The following CDCA7L variants were observed in gnomAD, a reference collection of about 807,000 sequenced individuals.
CDCA7L encodes the protein cell division cycle-associated 7-like protein.
In CDCA7L, 44 loss-of-function variants were observed where a neutral mutation model predicts 57.4. The ratio of observed to expected loss-of-function variants is 0.77; its 90% CI spans 0.60 to 0.98. The LOEUF (loss-of-function observed/expected upper bound fraction) is 0.98. Among genes scored for constraint, CDCA7L ranks in the 50% least tolerant of loss-of-function variants. The pLI is 0.00. For missense variants in CDCA7L, 644 were observed against 580.6 expected (o/e 1.11, Z -1.12); for synonymous variants, 236 against 202.8 (o/e 1.16, Z -1.39).
chr7:21,912,279 G>A (rs1314501807), intron 2 of CDCA7L, among the ~76,000 whole-genome samples: 1 of 152,126 alleles, frequency 6.6e-6, no homozygotes, highest in African/African-American at 2.4e-5. Context: ...GGGTGACAGA[G>A]TGAGACCCTC....
chr7:21,933,061 C>T (rs997034507), intron 1 of CDCA7L, among the ~76,000 whole-genome samples: 3 of 152,064 alleles, frequency 2.0e-5, no homozygotes, highest in African/African-American at 7.2e-5. Flanking sequence ...AGCTCATCAT[C>T]ACTGGTCATT....
chr7:21,924,512 T>A (rs1193803761), intron 1 of CDCA7L, among the ~76,000 whole-genome samples: 2 of 152,182 alleles, frequency 1.3e-5, no homozygotes. Context: ...AACTGTTATT[T>A]TCTTATGCAA....
At chr7:21,905,761 A>G in intron 6 of CDCA7L, 130 bp from the exon 7 acceptor site, 1 of 1,062,608 alleles carries the variant, frequency 9.4e-7, no homozygotes, top group Non-Finnish European at 1.3e-6. Flanking sequence ...CCCTGCAGCC[A>G]TTTCATTTAG....
intron 1 of CDCA7L, among the ~76,000 whole-genome samples, chr7:21,938,968 C>G (rs1244027407): frequency 1.3e-5 from 2 of 152,144 alleles, no homozygotes; most frequent in Non-Finnish European, 2.9e-5. Flanking sequence ...ACGATAGCAC[C>G]ACTGCACTCC....
intron 2 of CDCA7L, among the ~76,000 whole-genome samples, chr7:21,914,108 A>G (rs1785410757): frequency 6.6e-6 from 1 of 152,226 alleles, no homozygotes; most frequent in Non-Finnish European, 1.5e-5. Flanking sequence ...ACATAGGTGG[A>G]TAAACTTATT....
rs1554295038 is a variant in CDCA7L at position 21,903,005 on chromosome 7, T to TAACC, written c.1303_1306dup (p.Tyr436TrpfsTer3). 11 of 1,613,980 alleles carry TAACC rather than the reference T, an allele frequency of 6.8e-6. No individual in the cohort carries two copies. The highest frequency in any genetic ancestry group is 2.7e-5 in the African/African-American group (2 of 74,928). On this transcript the variant is annotated frameshift_variant, in exon 9 of 10. Transcript: ENST00000406877. LOFTEE classifies it high-confidence loss of function. The stretch of plus-strand genomic sequence containing the variant: ...CTCCAGATATTCCTTAACATTGTCA[T>TAACC]AACCATAAAACTTGGCCAGATGAAT...
Position 21,905,585 on chromosome 7 carries a change from C to A in CDCA7L, c.968G>T (p.Arg323Leu), listed in dbSNP as rs754786484. The A allele has an allele frequency of 1.2e-6, 2 of 1,613,916 alleles. No individual in the cohort carries two copies. The highest frequency in any genetic ancestry group is 8.5e-7 in the Non-Finnish European group (1 of 1,179,990). Residue 323 changes from arginine to leucine, a missense_variant, in exon 7 of 10, where the codon CGG (arginine) becomes CTG (leucine). Transcript: ENST00000406877. ...CTCTTCGGTGATATCCTCCACTGGC[C>A]GAAAAGAAGATATACGGTGACGTCG... ...YRRRHRISSF[R>L]PVEDITEEDL...
intron 1 of CDCA7L, among the ~76,000 whole-genome samples, chr7:21,931,705 T>C (rs1786023180): frequency 6.6e-6 from 1 of 152,210 alleles, no homozygotes; most frequent in African/African-American, 2.4e-5. Context: ...GCATTCCCTT[T>C]GAAAACCAGC....
chr7:21,901,055 AGGAGCTGGCATGCC>A lies in CDCA7L; in HGVS notation c.*1253_*1266del. The A allele has an allele frequency of 6.2e-7, 1 of 1,613,392 alleles. No individual in the cohort carries two copies. ...GGAACCATTGTTGAAGCCCGTCTCA[AGGAGCTGGCATGCC>A]CTATGCCGGTCATCTTTGCAAAAGC... On this transcript the variant is annotated 3_prime_UTR_variant, in exon 10 of 10. Coordinates refer to ENST00000406877, the MANE Select transcript of CDCA7L (RefSeq NM_018719.5).
chr7:21,937,279 A>G (rs980204441), intron 1 of CDCA7L, among the ~76,000 whole-genome samples: 2 of 152,158 alleles, frequency 1.3e-5, no homozygotes, highest in Non-Finnish European at 1.5e-5. Context: ...CGTAAAAACA[A>G]AAGTCCATCC....
chr7:21,914,117 T>C (rs1785411045), intron 2 of CDCA7L, among the ~76,000 whole-genome samples: 1 of 152,200 alleles, frequency 6.6e-6, no homozygotes, highest in Non-Finnish European at 1.5e-5. Context: ...GATAAACTTA[T>C]TTTGAAGTCC....
chr7:21,933,871 T>C (rs912995204), intron 1 of CDCA7L, among the ~76,000 whole-genome samples: 1 of 152,170 alleles, frequency 6.6e-6, no homozygotes, highest in African/African-American at 2.4e-5. Flanking sequence ...AGTAGGATGA[T>C]TTATTTGTAA....
chr7:21,937,952 T>G (rs1454618865), intron 1 of CDCA7L, among the ~76,000 whole-genome samples: 1 of 152,098 alleles, frequency 6.6e-6, no homozygotes, highest in African/African-American at 2.4e-5. Flanking sequence ...GATCTAAATA[T>G]AAGAGCTAAA....
At chr7:21,914,753 G>A (rs984633430) in intron 2 of CDCA7L, among the ~76,000 whole-genome samples, 4 of 152,150 alleles carry the variant, frequency 2.6e-5, no homozygotes, top group Non-Finnish European at 5.9e-5. Flanking sequence ...CTTCCTGAAC[G>A]TCAGTTTCAT....
chr7:21,908,247 C>G lies in CDCA7L; in HGVS notation c.564G>C (p.Gln188His), dbSNP rs904686660. The G allele has an allele frequency of 7.4e-6, 12 of 1,613,774 alleles. No homozygotes were observed. Among genetic ancestry groups the G allele is most frequent in the Non-Finnish European group, 1.0e-5 (12 of 1,179,982 alleles). Residue 188 changes from glutamine to histidine, a missense_variant, in exon 4 of 10, where the codon CAG (glutamine) becomes CAC (histidine). By Grantham distance (24) the Gln-to-His change is conservative. Transcript: ENST00000406877. ...AGGTAGAATCTTCCCTTTGTATCAC[C>G]TGTCTACAGTCTTTCTTTCTTTCAA... The part of the protein sequence containing the change: ...TILERKKDCR[Q>H]VIQREDSTSE...
intron 6 of CDCA7L, 86 bp downstream of exon 6, chr7:21,906,203 A>G: frequency 7.4e-7 from 1 of 1,345,080 alleles, no homozygotes; most frequent in Admixed American, 2.3e-5. Context: ...GGTCAGAACC[A>G]GCCCTGGGGT....
At chr7:21,927,325 G>C (rs905311738) in intron 1 of CDCA7L, among the ~76,000 whole-genome samples, 1 of 150,180 alleles carries the variant, frequency 6.7e-6, no homozygotes, top group African/African-American at 2.4e-5. Context: ...GAGAAATGAA[G>C]AAGGACTCCA....
chr7:21,912,982 C>T (rs986796633), intron 2 of CDCA7L, among the ~76,000 whole-genome samples: 16 of 152,106 alleles, frequency 1.1e-4, no homozygotes, highest in African/African-American at 2.9e-4. Flanking sequence ...TGCAAGCCCG[C>T]CACACCTCAT....
intron 1 of CDCA7L, among the ~76,000 whole-genome samples, chr7:21,918,990 A>G (rs1393837094): frequency 6.6e-6 from 1 of 151,580 alleles, no homozygotes. Flanking sequence ...TTTTTTTTAT[A>G]TTTTTTATTT....
Sources: allele counts gnomAD v4.1 joint callset (sites outside exome capture counted in the v4.1 genomes callset), GRCh38; gene constraint gnomAD v4.1.1; transcripts MANE v1.5; gene names NCBI Gene and HGNC (gene_info 2026-07-23, HGNC 2026-07-21).